DISC1: variants seen among roughly 807,000 people sequenced by gnomAD.
DISC1 encodes disrupted in schizophrenia 1 protein.
A neutral mutation model predicts 84.5 loss-of-function variants in DISC1; 57 were observed. The ratio of observed to expected loss-of-function variants is 0.67; its 90% CI spans 0.55 to 0.84. The LOEUF (loss-of-function observed/expected upper bound fraction) is 0.84, where lower values mean the gene tolerates loss of function less well. DISC1 is among the 40% of genes least tolerant of loss of function. The pLI, the probability that DISC1 is intolerant of heterozygous loss-of-function variation, is 0.00. For synonymous variants in DISC1, 411 were observed against 415.2 expected (o/e 0.99, Z 0.12); for missense variants, 1,000 against 1,057.8 (o/e 0.95, Z 0.76).
chr1:231,940,049 G>A (rs958597821), intron 9 of DISC1, among the ~76,000 whole-genome samples: 5 of 151,684 alleles, frequency 3.3e-5, no homozygotes, highest in African/African-American at 9.7e-5. Context: ...GGGTTTCTCC[G>A]CTTATTCTTA....
intron 9 of DISC1, among the ~76,000 whole-genome samples, chr1:231,820,082 G>A (rs534377445): frequency 6.6e-6 from 1 of 152,170 alleles, no homozygotes; most frequent in East Asian, 1.9e-4. Flanking sequence ...GCTCATTACT[G>A]TTGTGAAGCC....
chr1:232,026,565 T>G lies in DISC1; in HGVS notation c.2425+13T>G. 6.3e-7 allele frequency: 1 copy of G among 1,575,952 alleles called. No individual in the cohort carries two copies. The highest frequency in any genetic ancestry group is 1.2e-5 in the South Asian group (1 of 86,802). ...GAAGATCTCATTCATATCCTTTTCA[T>G]CTTGCAGATGAAGCAAGGCAAAGTT... On this transcript the variant is annotated intron_variant, in intron 12 of 12. Transcript: ENST00000439617.
chr1:231,961,217 T>C (rs1268204257), intron 10 of DISC1, among the ~76,000 whole-genome samples: 1 of 152,162 alleles, frequency 6.6e-6, no homozygotes, highest in Non-Finnish European at 1.5e-5. Flanking sequence ...CTACCACAAA[T>C]AGACTGAGTG....
intron 9 of DISC1, among the ~76,000 whole-genome samples, chr1:231,923,696 G>C (rs1203000497): frequency 6.6e-6 from 1 of 152,202 alleles, no homozygotes; most frequent in East Asian, 1.9e-4. Flanking sequence ...ACACGTCTCT[G>C]CTGAGACTTG....
rs887347731 is a variant in DISC1 at position 231,675,190 on chromosome 1, C to T, written c.68-18636C>T. 2.6e-5 allele frequency among the ~76,000 whole-genome samples: 4 copies of T among 152,006 alleles called. No individual in the cohort carries two copies. Among genetic ancestry groups the T allele is most frequent in the African/African-American group, 9.7e-5 (4 of 41,368 alleles). On this transcript the variant is annotated intron_variant, in intron 1 of 12. Coordinates refer to ENST00000439617, the MANE Select transcript of DISC1 (RefSeq NM_018662.3). The surrounding 1 kb of genome is among the most constrained non-coding windows in gnomAD (Gnocchi z 4.1). Reference sequence around the variant, plus strand: ...GGCTTTATACAGATTCAGAGACATCCATGTGTGTCCTGCTTATTGGTCCTT... The same window carrying T: ...GGCTTTATACAGATTCAGAGACATCTATGTGTGTCCTGCTTATTGGTCCTT...
chr1:232,035,195 A>T lies in DISC1; in HGVS notation c.2426-1497A>T, dbSNP rs1670402888. On this transcript the variant is annotated intron_variant, in intron 12 of 12. Coordinates refer to ENST00000439617, the MANE Select transcript of DISC1 (RefSeq NM_018662.3). The stretch of plus-strand genomic sequence containing the variant: ...CTGGGCATGGTGGCTCATGCCTGTA[A>T]TCCCAGCACTTTGGGAGGCCAAGGC... Among the ~76,000 whole-genome samples the T allele has an allele frequency of 2.6e-5, 4 of 152,284 alleles. No homozygotes were observed. In the South Asian group the frequency reaches 8.3e-4, roughly 32 times the overall value.
intron 10 of DISC1, among the ~76,000 whole-genome samples, chr1:232,004,821 T>C (rs957000046): frequency 1.3e-5 from 2 of 151,550 alleles, no homozygotes; most frequent in Non-Finnish European, 2.9e-5. Context: ...GCTCAGAAAA[T>C]CTATTCCCTC....
At chr1:231,996,113 G>C (rs1665915602) in intron 10 of DISC1, among the ~76,000 whole-genome samples, 1 of 152,184 alleles carries the variant, frequency 6.6e-6, no homozygotes, top group African/African-American at 2.4e-5. Context: ...GTTTTTTCAT[G>C]TGTCTTTTGG....
chr1:231,886,809 T>TTC (rs1558692349), intron 9 of DISC1, among the ~76,000 whole-genome samples: 2 of 144,774 alleles, frequency 1.4e-5, no homozygotes, highest in Non-Finnish European at 3.0e-5. Flanking sequence ...CTTTCTTTCT[T>TTC]TCTTTCTTTC....
chr1:231,689,172 A>G lies in DISC1; in HGVS notation c.68-4654A>G, dbSNP rs1037105173. Among the ~76,000 whole-genome samples, 4 of 152,118 alleles carry G rather than the reference A, an allele frequency of 2.6e-5. No homozygotes were observed. The East Asian group carries it at 7.7e-4, about 29-fold the overall frequency. On this transcript the variant is annotated intron_variant, in intron 1 of 12. Coordinates refer to ENST00000439617, the MANE Select transcript of DISC1 (RefSeq NM_018662.3). ...ATATTCCTTTATGCTTCCACTATAA[A>G]TTTATATGCAAGTCATGTTTTGTAA...
intron 3 of DISC1, among the ~76,000 whole-genome samples, chr1:231,739,030 G>C (rs938410983): frequency 3.9e-5 from 6 of 152,184 alleles, no homozygotes; most frequent in Admixed American, 3.9e-4. Context: ...TTGTATGGAT[G>C]GATGGAGTTT....
chr1:231,798,557 G>A (rs1558563421), intron 7 of DISC1, among the ~76,000 whole-genome samples: 1 of 152,128 alleles, frequency 6.6e-6, no homozygotes, highest in Non-Finnish European at 1.5e-5. Flanking sequence ...TCAGACCTCA[G>A]ATGACATTAT....
At chr1:231,924,676 A>G (rs1388477270) in intron 9 of DISC1, among the ~76,000 whole-genome samples, 1 of 139,692 alleles carries the variant, frequency 7.2e-6, no homozygotes, top group African/African-American at 2.7e-5. Flanking sequence ...TTTTTTTTTG[A>G]GATGGAGTCT....
intron 9 of DISC1, among the ~76,000 whole-genome samples, chr1:231,946,116 C>T (rs1290908175): frequency 6.6e-6 from 1 of 152,136 alleles, no homozygotes; most frequent in African/African-American, 2.4e-5. Flanking sequence ...TTTTATGAGG[C>T]CAGCATCATC....
intron 3 of DISC1, among the ~76,000 whole-genome samples, chr1:231,747,428 T>A (rs949546518): frequency 6.6e-6 from 1 of 152,242 alleles, no homozygotes; most frequent in African/African-American, 2.4e-5. Context: ...GACTAGATTT[T>A]CATATAAGGT....
At chr1:232,011,364 G>A (rs821625) in intron 11 of DISC1, among the ~76,000 whole-genome samples, 42,157 of 151,966 alleles carry the variant, frequency 0.28, 6,116 homozygotes, top group African/African-American at 0.31. Flanking sequence ...TGCTGAGGAT[G>A]TCCTACATTT....
chr1:231,702,048 T>C (rs1456582892), intron 3 of DISC1, 24 bp downstream of exon 3: 1 of 1,597,356 alleles, frequency 6.3e-7, no homozygotes, highest in East Asian at 2.3e-5. Flanking sequence ...TGTTTATTGA[T>C]TGTTTTGTCA....
chr1:231,932,848 T>C (rs201302028), intron 9 of DISC1, among the ~76,000 whole-genome samples: 2 of 152,200 alleles, frequency 1.3e-5, no homozygotes, highest in East Asian at 3.8e-4. Flanking sequence ...AAATTCAAAA[T>C]TTTTGGTCTG....
rs191846708 is a variant in DISC1 at position 231,939,868 on chromosome 1, A to G, written c.1982-18960A>G. Among the ~76,000 whole-genome samples, 4 of 151,504 alleles carry G rather than the reference A, an allele frequency of 2.6e-5. No homozygotes were observed. The East Asian group carries it at 7.8e-4, about 30-fold the overall frequency. ...AGCAATTCTCCTGCCTCAGCCTCCC[A>G]AGTAGCTGGAATCACAGGCACGTGC... is the stretch of plus-strand genomic sequence containing the variant. On this transcript the variant is annotated intron_variant, in intron 9 of 12. Coordinates refer to ENST00000439617, the MANE Select transcript of DISC1 (RefSeq NM_018662.3).
Sources: allele counts gnomAD v4.1 joint callset (sites outside exome capture counted in the v4.1 genomes callset), GRCh38; gene constraint gnomAD v4.1.1; non-coding constraint Gnocchi (gnomAD v3.1); transcripts MANE v1.5; gene names NCBI Gene and HGNC (gene_info 2026-07-23, HGNC 2026-07-21).